The following TENT5D variants were observed in gnomAD, a reference collection of about 807,000 sequenced individuals.
TENT5D encodes cancer/testis antigen 112.
For synonymous variants in TENT5D, 103 were observed against 100.6 expected, an observed-to-expected ratio of 1.02 and a Z score of -0.15; for missense variants, 191 against 287.0, an observed-to-expected ratio of 0.67 and a Z score of 2.42.
At chrX:80,352,256 AC>A (rs2147517024) in intron 3 of TENT5D, among the ~76,000 whole-genome samples, 1 of 111,641 alleles carries the variant, frequency 9.0e-6, no homozygotes, top group South Asian at 3.8e-4. Context: ...TGCTGAAGTT[AC>A]GCCCACAGCC....
intron 3 of TENT5D, among the ~76,000 whole-genome samples, chrX:80,344,752 T>C (rs949504081): frequency 9.0e-6 from 1 of 111,185 alleles, no homozygotes; most frequent in South Asian, 3.8e-4. Flanking sequence ...CAAAAAGAAG[T>C]TTCAATAAAC....
chrX:80,379,732 T>C (rs1295081435), intron 3 of TENT5D, among the ~76,000 whole-genome samples: 2 of 111,420 alleles, frequency 1.8e-5, no homozygotes, highest in Non-Finnish European at 3.8e-5. Context: ...CTAGATTTTC[T>C]AGTTTATTTG....
At chrX:80,382,447 G>A (rs1229928457) in intron 3 of TENT5D, among the ~76,000 whole-genome samples, 1 of 112,075 alleles carries the variant, frequency 8.9e-6, no homozygotes, top group African/African-American at 3.2e-5. Context: ...GGGGGTCAGG[G>A]ACCCACTTGA....
At chrX:80,412,706 C>T (rs1414684417) in intron 3 of TENT5D, among the ~76,000 whole-genome samples, 2 of 111,819 alleles carry the variant, frequency 1.8e-5, no homozygotes, top group East Asian at 5.6e-4. Flanking sequence ...ACAAGTTCCT[C>T]ATCCCCATCT....
chrX:80,396,944 G>A (rs1931268753), intron 3 of TENT5D, among the ~76,000 whole-genome samples: 1 of 88,680 alleles, frequency 1.1e-5, no homozygotes, highest in African/African-American at 4.2e-5. Context: ...GGCTGGCCGG[G>A]CAGAGGGGCT....
intron 3 of TENT5D, among the ~76,000 whole-genome samples, chrX:80,399,105 T>C (rs1253834706): frequency 8.9e-6 from 1 of 111,874 alleles, no homozygotes; most frequent in African/African-American, 3.2e-5. Flanking sequence ...TGCAGAAGCT[T>C]TTTATTTTGA....
intron 3 of TENT5D, among the ~76,000 whole-genome samples, chrX:80,414,765 T>C (rs1052212783): frequency 3.6e-5 from 4 of 111,724 alleles, no homozygotes; most frequent in African/African-American, 9.8e-5. Flanking sequence ...CAATGAGATA[T>C]GGATTTGTCT....
chrX:80,437,791 T>C (rs1490166922), intron 1 of TENT5D, among the ~76,000 whole-genome samples: 1 of 111,586 alleles, frequency 9.0e-6, no homozygotes, highest in Admixed American at 9.6e-5. Context: ...TTTAGACTGG[T>C]AAAATATAAT....
At chrX:80,404,424 T>A (rs1931443529) in intron 3 of TENT5D, among the ~76,000 whole-genome samples, 1 of 111,805 alleles carries the variant, frequency 8.9e-6, no homozygotes, top group Non-Finnish European at 1.9e-5. Context: ...CCTTTATAAT[T>A]TTGTATTAAG....
chrX:80,409,981 A>G (rs1172902428), intron 3 of TENT5D, among the ~76,000 whole-genome samples: 1 of 109,913 alleles, frequency 9.1e-6, no homozygotes, highest in Non-Finnish European at 1.9e-5. Context: ...AACCTGAGAA[A>G]AGCAATGGGG....
At chrX:80,410,475 CA>C (rs1368186242) in intron 3 of TENT5D, among the ~76,000 whole-genome samples, 1 of 88,411 alleles carries the variant, frequency 1.1e-5, no homozygotes, top group Admixed American at 1.3e-4. Context: ...TTTATGCAGC[CA>C]AAAAACACAT....
chrX:80,336,203 T>C (rs1237074769), intron 2 of TENT5D, among the ~76,000 whole-genome samples: 1 of 111,303 alleles, frequency 9.0e-6, no homozygotes, highest in Non-Finnish European at 1.9e-5. Flanking sequence ...ATCTTTAGTG[T>C]TTCAATATAT....
intron 3 of TENT5D, among the ~76,000 whole-genome samples, chrX:80,375,339 T>C (rs1930704708): frequency 9.0e-6 from 1 of 111,402 alleles, no homozygotes; most frequent in Non-Finnish European, 1.9e-5. Context: ...AGTTGACCTT[T>C]CGGGTGTATA....
chrX:80,366,812 T>C (rs766697778), intron 3 of TENT5D, among the ~76,000 whole-genome samples: 1 of 111,597 alleles, frequency 9.0e-6, no homozygotes, highest in Non-Finnish European at 1.9e-5. Context: ...AGAGCAGTTA[T>C]GTTAGGACTC....
At position 80,398,074 on chromosome X, in the gene TENT5D, G is replaced by A. The variant is rs372963646; in HGVS notation, c.-141-40536G>A. ...CCCTTTTCTCTACATCCTCACCAGC[G>A]TCTGTTACTTTTTGTCTTTTCGATA... On this transcript the variant is annotated intron_variant, in intron 3 of 4. Transcript: ENST00000538312. 2.9e-4 allele frequency among the ~76,000 whole-genome samples: 32 copies of A among 112,191 alleles called. No homozygotes were observed. In the South Asian group the frequency reaches 0.01, roughly 35 times the overall value.
intron 3 of TENT5D, among the ~76,000 whole-genome samples, chrX:80,397,744 C>T (rs2147543255): frequency 8.9e-6 from 1 of 112,966 alleles, no homozygotes; most frequent in South Asian, 3.6e-4. Flanking sequence ...CCAGCCAACA[C>T]AGCGAAACCC....
intron 3 of TENT5D, among the ~76,000 whole-genome samples, chrX:80,362,831 T>C (rs1930436790): frequency 9.0e-6 from 1 of 111,637 alleles, no homozygotes; most frequent in African/African-American, 3.2e-5. Flanking sequence ...CTTAGAAAAT[T>C]CTTAGATGTA....
chrX:80,397,219 G>A (rs1406775578), intron 3 of TENT5D, among the ~76,000 whole-genome samples: 77 of 106,633 alleles, frequency 7.2e-4, no homozygotes, highest in African/African-American at 2.3e-3. Flanking sequence ...CAGACGGGGC[G>A]GCCGGGCAGA....
rs969849088 is a variant in TENT5D, at chrX:80,383,862, A to G, written c.-142+41298A>G. On this transcript the variant is annotated intron_variant, in intron 3 of 4. Coordinates refer to the TENT5D transcript ENST00000538312. ...CAGAGCGAGACTCCATCTCAAAAAA[A>G]AAAAGTAGTTGAATCTCTGAAAAGA... Among the ~76,000 whole-genome samples, 36 of 111,531 alleles carry G rather than the reference A, an allele frequency of 3.2e-4. 1 individual carries two copies. Among genetic ancestry groups the G allele is most frequent in the African/African-American group, 1.2e-3 (36 of 30,718 alleles).
Sources: allele counts gnomAD v4.1 joint callset (sites outside exome capture counted in the v4.1 genomes callset), GRCh38; gene constraint gnomAD v4.1.1; transcripts MANE v1.5; gene names NCBI Gene and HGNC (gene_info 2026-07-23, HGNC 2026-07-21).